BNIP3L: variants seen among roughly 807,000 people sequenced by gnomAD.
BNIP3L encodes BCL2 interacting protein 3 like.
A neutral mutation model predicts 25.5 loss-of-function variants in BNIP3L; 10 were observed. That is an observed-to-expected ratio of 0.39 (90% CI 0.24 to 0.67). The LOEUF (loss-of-function observed/expected upper bound fraction) is 0.67. Ranked by LOEUF, BNIP3L falls within the 30% of genes least tolerant of loss-of-function variation. The pLI, the probability that BNIP3L is intolerant of heterozygous loss-of-function variation, is 0.45. For missense variants in BNIP3L, 215 were observed against 270.9 expected, an observed-to-expected ratio of 0.79 and a Z score of 1.45; for synonymous variants, 113 against 101.2, an observed-to-expected ratio of 1.12 and a Z score of -0.70.
chr8:26,391,059 A>G (rs1009664972), intron 1 of BNIP3L, among the ~76,000 whole-genome samples, 184 bp from the exon 2 acceptor site: 4 of 151,386 alleles, frequency 2.6e-5, no homozygotes, highest in East Asian at 1.9e-4. Context: ...GGCATGAGCT[A>G]TTTCAGGAAC....
intron 5 of BNIP3L, 142 bp downstream of exon 5, chr8:26,408,518 G>A: frequency 1.0e-6 from 1 of 984,738 alleles, no homozygotes; most frequent in Non-Finnish European, 1.5e-6. Flanking sequence ...AAAAGTGGGT[G>A]CACAATTGTT....
At chr8:26,393,042 A>G in intron 2 of BNIP3L, among the ~76,000 whole-genome samples, 1 of 151,838 alleles carries the variant, frequency 6.6e-6, no homozygotes, top group Non-Finnish European at 1.5e-5. Flanking sequence ...CGTACCCCTC[A>G]TCTTATGTCT....
chr8:26,384,092 C>G (rs1464702076), intron 1 of BNIP3L, among the ~76,000 whole-genome samples: 1 of 152,174 alleles, frequency 6.6e-6, no homozygotes, highest in Admixed American at 6.5e-5. Context: ...TCATAACATT[C>G]CGCTGCCCAG....
chr8:26,387,147 C>A (rs1806010019), intron 1 of BNIP3L, among the ~76,000 whole-genome samples: 1 of 152,138 alleles, frequency 6.6e-6, no homozygotes, highest in South Asian at 2.1e-4. Context: ...GAGGATTGAA[C>A]TAGTGATTAT....
intron 3 of BNIP3L, 93 bp downstream of exon 3, chr8:26,395,395 G>T: frequency 7.6e-7 from 1 of 1,320,694 alleles, no homozygotes; most frequent in African/African-American, 1.5e-5. Flanking sequence ...AAGACTTTTA[G>T]GAATAGTTTG....
intron 2 of BNIP3L, 62 bp downstream of exon 2, chr8:26,391,488 T>C (rs576354183): frequency 3.8e-5 from 52 of 1,369,450 alleles, no homozygotes; most frequent in Admixed American, 9.7e-5. Context: ...GCTCATTCAC[T>C]CTAGGAAAAA....
At chr8:26,404,707 C>G (rs1171867790) in intron 3 of BNIP3L, among the ~76,000 whole-genome samples, 2 of 152,102 alleles carry the variant, frequency 1.3e-5, no homozygotes, top group African/African-American at 4.8e-5. Flanking sequence ...AGGGTTTCGC[C>G]GTGCTGGCCA....
chr8:26,395,194 G>A (rs1196480730), intron 2 of BNIP3L, 36 bp from the exon 3 acceptor site: 1 of 1,603,604 alleles, frequency 6.2e-7, no homozygotes. Context: ...GACAAAGTGA[G>A]AATTAAAACT....
chr8:26,401,966 A>G (rs1427023090), intron 3 of BNIP3L, among the ~76,000 whole-genome samples: 1 of 152,180 alleles, frequency 6.6e-6, no homozygotes, highest in Non-Finnish European at 1.5e-5. Context: ...GACGGGAACC[A>G]TTATCTTTTT....
At chr8:26,385,972 A>G (rs1263716442) in intron 1 of BNIP3L, among the ~76,000 whole-genome samples, 1 of 152,206 alleles carries the variant, frequency 6.6e-6, no homozygotes, top group Admixed American at 6.5e-5. Flanking sequence ...GGCAATGGGC[A>G]AAACAACTTA....
intron 1 of BNIP3L, among the ~76,000 whole-genome samples, 194 bp from the exon 2 acceptor site, chr8:26,391,049 G>A (rs527300941): frequency 1.3e-5 from 2 of 151,730 alleles, no homozygotes; most frequent in East Asian, 3.9e-4. Context: ...CTCAGTTGAT[G>A]GCATGAGCTA....
At chr8:26,407,507 T>A (rs1189244489) in intron 3 of BNIP3L, among the ~76,000 whole-genome samples, 1 of 151,770 alleles carries the variant, frequency 6.6e-6, no homozygotes, top group Non-Finnish European at 1.5e-5. Context: ...TGTTTTTTTT[T>A]AGTAAAGACG....
rs1006489797 is a variant in BNIP3L at position 26,395,315 on chromosome 8, G to C, written c.357+13G>C. The C allele has an allele frequency of 1.9e-6, 3 of 1,611,082 alleles. No individual in the cohort carries two copies. The highest frequency in any genetic ancestry group is 1.3e-5 in the African/African-American group (1 of 74,788). On this transcript the variant is annotated intron_variant, in intron 3 of 5. Coordinates refer to ENST00000380629, the MANE Select transcript of BNIP3L (RefSeq NM_004331.3). ...CCATAGCTCTCAGGTGTGTCGGGGGGATTCTGATTTACAGTAAACAATTAA... is the reference window on the plus strand; with the variant it reads ...CCATAGCTCTCAGGTGTGTCGGGGGCATTCTGATTTACAGTAAACAATTAA...
chr8:26,388,725 C>T (rs1223725272), intron 1 of BNIP3L, among the ~76,000 whole-genome samples: 2 of 152,050 alleles, frequency 1.3e-5, no homozygotes, highest in Non-Finnish European at 2.9e-5. Flanking sequence ...AAGCCCAGCA[C>T]TTTGGGAGGC....
intron 1 of BNIP3L, among the ~76,000 whole-genome samples, chr8:26,388,325 T>A (rs1455196574): frequency 6.6e-6 from 1 of 152,202 alleles, no homozygotes; most frequent in African/African-American, 2.4e-5. Flanking sequence ...CCTAACAAAG[T>A]CTTCGAGGTA....
chr8:26,404,699 G>C (rs777618501), intron 3 of BNIP3L, among the ~76,000 whole-genome samples: 1 of 152,114 alleles, frequency 6.6e-6, no homozygotes, highest in Admixed American at 6.5e-5. Flanking sequence ...GTAGAGACAG[G>C]GTTTCGCCGT....
intron 3 of BNIP3L, among the ~76,000 whole-genome samples, chr8:26,400,162 C>G (rs1437526874): frequency 2.0e-5 from 3 of 151,568 alleles, no homozygotes; most frequent in Non-Finnish European, 3.0e-5. Context: ...TGACTTCAAA[C>G]TATACCACAA....
chr8:26,402,971 A>G (rs976398709), intron 3 of BNIP3L, among the ~76,000 whole-genome samples: 3 of 152,208 alleles, frequency 2.0e-5, no homozygotes, highest in South Asian at 4.1e-4. Flanking sequence ...ATGGAATTCT[A>G]GAGTTGAATG....
Position 26,395,298 on chromosome 8 carries a change from C to G in BNIP3L, c.353C>G (p.Ser118Cys). 2 of 1,613,746 alleles carry G rather than the reference C, an allele frequency of 1.2e-6. No homozygotes were observed. The highest frequency in any genetic ancestry group is 1.7e-6 in the Non-Finnish European group (2 of 1,179,786). ...ATGCACACCAGCAGGGACCATAGCT[C>G]TCAGGTGTGTCGGGGGGATTCTGAT... ...VEMHTSRDHS[S>C]QSEEEVVEGE... The change falls in exon 3 of 6, where the codon TCT becomes TGT. Residue 118 changes from serine (S) to cysteine (C), a missense_variant. Transcript: ENST00000380629.
Sources: allele counts gnomAD v4.1 joint callset (sites outside exome capture counted in the v4.1 genomes callset), GRCh38; gene constraint gnomAD v4.1.1; transcripts MANE v1.5; gene names NCBI Gene and HGNC (gene_info 2026-07-23, HGNC 2026-07-21).